MYO15A: variants seen among roughly 807,000 people sequenced by gnomAD.
MYO15A encodes the protein myosin XVA, also known as unconventional myosin-XV.
Under a neutral mutation model 394.6 loss-of-function variants are expected in MYO15A, and 308 were observed. The ratio of observed to expected loss-of-function variants is 0.78; its 90% confidence interval spans 0.71 to 0.86. The LOEUF is 0.86. Ranked by LOEUF, MYO15A falls within the 40% of genes least tolerant of loss-of-function variation. MYO15A has a pLI of 0.00. For synonymous variants in MYO15A, 1,957 were observed against 2,003.8 expected (o/e 0.98, Z 0.62); for missense variants, 4,606 against 4,799.1 (o/e 0.96, Z 1.19).
rs926930917 is a variant in MYO15A, at chr17:18,121,761, GGTCT to G, written c.2962_2965del (p.Val988SerfsTer69). On this transcript the variant is annotated frameshift_variant, in exon 2 of 66. Coordinates refer to ENST00000647165, the MANE Select transcript of MYO15A (RefSeq NM_016239.4). LOFTEE classifies it high-confidence loss of function. This position sits in a 1 kb window ranked among gnomAD's most constrained non-coding sequence, Gnocchi z 5.3. ...AGGATCCAGCTGCTGATATGACCAG[GGTCT>G]TCCTGGGCAGACACCATGAGCCGGG... 1 of 1,607,748 alleles carries G rather than the reference GGTCT, an allele frequency of 6.2e-7. No individual in the cohort carries two copies. Among genetic ancestry groups the G allele is most frequent in the African/African-American group, 1.3e-5 (1 of 74,632 alleles).
Position 18,150,418 on chromosome 17 carries a change from A to G in MYO15A, c.7213-11A>G. On this transcript the variant is annotated splice_polypyrimidine_tract_variant and intron_variant, in intron 35 of 65. Transcript: ENST00000647165. This position sits in a 1 kb window ranked among gnomAD's most constrained non-coding sequence, Gnocchi z 4.4. Reference sequence around the variant, plus strand: ...AATGAGATGGTCACTTGAGCCACCCACTGCCCCCAGGACCTGGAGAAGCCA... The same window carrying G: ...AATGAGATGGTCACTTGAGCCACCCGCTGCCCCCAGGACCTGGAGAAGCCA... 1 of 1,613,000 alleles carries G rather than the reference A, an allele frequency of 6.2e-7. No individual in the cohort carries two copies. The highest frequency in any genetic ancestry group is 8.5e-7 in the Non-Finnish European group (1 of 1,179,060).
rs2046557481 is a variant in MYO15A at position 18,150,343 on chromosome 17, G to A, written c.7213-86G>A. On this transcript the variant is annotated intron_variant, in intron 35 of 65. Transcript: ENST00000647165. This position sits in a 1 kb window ranked among gnomAD's most constrained non-coding sequence, Gnocchi z 4.4. ...CTGCCCCCTCCCACGAGAGGGTGGGGAAGAGGCCAGTGTCAGGTGCCTGTT... is the reference window on the plus strand; with the variant it reads ...CTGCCCCCTCCCACGAGAGGGTGGGAAAGAGGCCAGTGTCAGGTGCCTGTT... 1 of 1,232,034 alleles carries A rather than the reference G, an allele frequency of 8.1e-7. No individual in the cohort carries two copies. The highest frequency in any genetic ancestry group is 1.2e-6 in the Non-Finnish European group (1 of 838,866). The allele number at this position is 1,232,034 out of a possible 1,614,324, so 76.3% of individuals were successfully genotyped here.
At position 18,119,756 on chromosome 17, in the gene MYO15A, C is replaced by T. The variant is rs1175247562; in HGVS notation, c.956C>T (p.Pro319Leu). The T allele has an allele frequency of 1.9e-6, 3 of 1,612,916 alleles. No homozygotes were observed. The highest frequency in any genetic ancestry group is 2.5e-6 in the Non-Finnish European group (3 of 1,179,978). Residue 319 changes from proline (P) to leucine (L), a missense_variant, in exon 2 of 66, where the codon CCG becomes CTG. By Grantham distance (98) the Pro-to-Leu change is moderately conservative. This residue lies in a region of MYO15A where 1,830 missense variants were observed against 1,689.7 expected (regional missense o/e 1.08). Coordinates refer to ENST00000647165, the MANE Select transcript of MYO15A (RefSeq NM_016239.4). ...YDDYEPPYAP[P>L]SGYSSPYSYH... ...GATTACGAACCCCCATATGCGCCCCCGTCGGGGTACTCGTCTCCTTACAGC... is the reference window on the plus strand; with the variant it reads ...GATTACGAACCCCCATATGCGCCCCTGTCGGGGTACTCGTCTCCTTACAGC...
chr17:18,119,179 C>G lies in MYO15A; in HGVS notation c.379C>G (p.Leu127Val). The G allele has an allele frequency of 6.2e-7, 1 of 1,612,508 alleles. No individual in the cohort carries two copies. The highest frequency in any genetic ancestry group is 8.5e-7 in the Non-Finnish European group (1 of 1,179,892). Residue 127 changes from leucine (L) to valine (V), a missense_variant, in exon 2 of 66, where the codon CTC becomes GTC. Leu to Val is a conservative substitution (Grantham distance 32). Transcript: ENST00000647165. ...CCGCCTGCGGCCGCGCGCCCGGTCA[C>G]TCAGCAAAGCGTCCACGGCCATCAA... ...YGRLRPRARS[L>V]SKASTAINWL... is the part of the protein sequence containing the mutation.
At chr17:18,173,182 G>A (rs2046966740) in intron 64 of MYO15A, among the ~76,000 whole-genome samples, 1 of 152,170 alleles carries the variant, frequency 6.6e-6, no homozygotes, top group African/African-American at 2.4e-5. Flanking sequence ...GAGCTGGGGT[G>A]TCCATTCAAC....
rs1451608025 is a variant in MYO15A at position 18,173,492 on chromosome 17, G to A, written c.10351-289G>A. 30 of 440,644 alleles carry A rather than the reference G, an allele frequency of 6.8e-5. No individual in the cohort carries two copies. The Admixed American group carries it at 1.0e-3, about 15-fold the overall frequency. 27.3% of individuals were successfully genotyped at this position (440,644 alleles called of 1,614,324 possible). A position where few individuals can be genotyped will look rare whatever the true frequency, so the allele number is the denominator to read the frequency against. ...GAAGCAACTTTGATGTGAAGTTCAG[G>A]GCACCAATACCTCTCTATCCCAAGC... On this transcript the variant is annotated intron_variant, in intron 64 of 65. Transcript: ENST00000647165.
intron 62 of MYO15A, among the ~76,000 whole-genome samples, chr17:18,168,244 C>T (rs567804770): frequency 1.6e-4 from 25 of 151,972 alleles, no homozygotes; most frequent in Admixed American, 4.6e-4. Flanking sequence ...CTATGTTGAC[C>T]AGGCTGAATT....
Position 18,154,771 on chromosome 17 carries a change from G to A in MYO15A, c.8224+16G>A. On this transcript the variant is annotated intron_variant, in intron 45 of 65. Coordinates refer to ENST00000647165, the MANE Select transcript of MYO15A (RefSeq NM_016239.4). ...GCCTTGTTTGGTATCTCGGGGGAGA[G>A]GAGGGGTACTGATGGGGCAACCAGT... 1.9e-6 allele frequency: 3 copies of A among 1,612,660 alleles called. No homozygotes were observed. Among genetic ancestry groups the A allele is most frequent in the Non-Finnish European group, 2.5e-6 (3 of 1,179,768 alleles).
At chr17:18,111,024 T>C (rs977018796) in intron 1 of MYO15A, among the ~76,000 whole-genome samples, 3 of 152,220 alleles carry the variant, frequency 2.0e-5, no homozygotes, top group Admixed American at 6.5e-5. Context: ...CAGCTCTTCT[T>C]GTTGATGTGA....
intron 65 of MYO15A, chr17:18,178,477 C>G: frequency 1.9e-6 from 1 of 540,112 alleles, no homozygotes; most frequent in Non-Finnish European, 3.4e-6. Flanking sequence ...GATGAGGCCA[C>G]TGAGGCTCAG....
chr17:18,115,150 T>C (rs1460988998), intron 1 of MYO15A, among the ~76,000 whole-genome samples: 1 of 152,162 alleles, frequency 6.6e-6, no homozygotes, highest in Admixed American at 6.5e-5. Flanking sequence ...ATCCCCATCA[T>C]CAAATCCTGT....
chr17:18,114,356 A>G (rs1344241077), intron 1 of MYO15A, among the ~76,000 whole-genome samples: 1 of 144,684 alleles, frequency 6.9e-6, no homozygotes, highest in Non-Finnish European at 1.5e-5. Context: ...GGTTCAAGTG[A>G]TTCTCCTGCC....
chr17:18,133,518 T>G (rs1298404841), intron 12 of MYO15A, 132 bp downstream of exon 12: 1 of 1,247,326 alleles, frequency 8.0e-7, no homozygotes, highest in Non-Finnish European at 1.1e-6. Flanking sequence ...TCTTTTTTCC[T>G]TTGGGGTTGT....
rs750825518 is a variant in MYO15A at position 18,151,414 on chromosome 17, G to T, written c.7674G>T (p.Leu2558=). 1 of 1,614,188 alleles carries T rather than the reference G, an allele frequency of 6.2e-7. No homozygotes were observed. Among genetic ancestry groups the T allele is most frequent in the East Asian group, 2.2e-5 (1 of 44,880 alleles). Residue 2558 remains leucine, a synonymous_variant, in exon 40 of 66, where the codon CTG becomes CTT. Transcript: ENST00000647165. ...CCACAGCTTCACCCTCCCCAGAGCT[G>T]GTCCGGTACTCTACGCTCAACTCTG... is the stretch of plus-strand genomic sequence containing the variant. The part of the protein sequence containing the change: ...SPETTSPSPE[L]VRYSTLNSEH...
intron 56 of MYO15A, chr17:18,160,965 T>C: frequency 2.5e-6 from 1 of 404,360 alleles, no homozygotes; most frequent in Admixed American, 3.6e-5. Context: ...CCCTGGGCCT[T>C]ACCTGGCATG....
At position 18,153,692 on chromosome 17, in the gene MYO15A, C is replaced by A. The variant is rs1306651531; in HGVS notation, c.7967-83C>A. 3 of 1,277,486 alleles carry A rather than the reference C, an allele frequency of 2.3e-6. No individual in the cohort carries two copies. In the Admixed American group the frequency reaches 1.0e-4, roughly 44 times the overall value. The allele number at this position is 1,277,486 out of a possible 1,614,324, so 79.1% of individuals were successfully genotyped here. On this transcript the variant is annotated intron_variant, in intron 42 of 65. Transcript: ENST00000647165. This position sits in a 1 kb window ranked among gnomAD's most constrained non-coding sequence, Gnocchi z 4.1. ...TAGCCTGGGGGACAACAGCGAAACT[C>A]CGTCTCAAAAATATATATATATATT...
chr17:18,171,331 C>T (rs574920596), intron 62 of MYO15A, among the ~76,000 whole-genome samples: 68 of 152,298 alleles, frequency 4.5e-4, no homozygotes, highest in African/African-American at 1.6e-3. Flanking sequence ...CACATCTTGC[C>T]CCCACCAACC....
At chr17:18,161,194 G>A in intron 56 of MYO15A, 123 bp from the exon 57 acceptor site, 5 of 1,313,400 alleles carry the variant, frequency 3.8e-6, no homozygotes, top group Non-Finnish European at 5.3e-6. Context: ...GCGCAGGGAG[G>A]GGCATCCTCA....
intron 56 of MYO15A, 87 bp downstream of exon 56, chr17:18,160,104 T>G (rs1473763256): frequency 7.9e-7 from 1 of 1,267,862 alleles, no homozygotes; most frequent in East Asian, 2.4e-5. Context: ...TCCTCAGGCC[T>G]GACCCCTCCT....
Sources: gnomAD v4.1 joint callset for allele counts (sites outside exome capture counted in the v4.1 genomes callset) on GRCh38, gnomAD v4.1.1 for gene constraint, gnomAD v4.1.1 regional missense constraint, Gnocchi (gnomAD v3.1) non-coding constraint, MANE v1.5 for transcripts, NCBI Gene and HGNC (gene_info 2026-07-23, HGNC 2026-07-21) for gene names.